Variants in MVB12B observed in about 807,000 individuals in gnomAD.
MVB12B encodes ESCRT-I complex subunit MVB12B.
Under a neutral mutation model 41.6 loss-of-function variants are expected in MVB12B, and 16 were observed. The ratio of observed to expected loss-of-function variants is 0.38; its 90% CI spans 0.26 to 0.58. The LOEUF is 0.58. Ranked by LOEUF, MVB12B falls within the 20% of genes least tolerant of loss-of-function variation. The pLI is 0.62. For synonymous variants in MVB12B, 133 were observed against 139.7 expected (o/e 0.95, Z 0.34); for missense variants, 274 against 380.2 (o/e 0.72, Z 2.32).
intron 1 of MVB12B, among the ~76,000 whole-genome samples, chr9:126,336,046 G>A (rs1229372964): frequency 1.3e-5 from 2 of 152,370 alleles, no homozygotes; most frequent in East Asian, 1.9e-4. Context: ...AGGCTGGAAC[G>A]TGGGCCCACT....
At chr9:126,433,150 G>A (rs1367268596) in intron 7 of MVB12B, among the ~76,000 whole-genome samples, 5 of 152,152 alleles carry the variant, frequency 3.3e-5, no homozygotes. Context: ...CTCCTTACCT[G>A]TAAAATGGGG....
chr9:126,503,068 C>G, intron 9 of MVB12B, 109 bp from the exon 10 acceptor site: 2 of 980,354 alleles, frequency 2.0e-6, no homozygotes. Context: ...GTCAAGATGC[C>G]CCACGAGGCG....
intron 7 of MVB12B, among the ~76,000 whole-genome samples, chr9:126,453,364 A>G (rs1184822991): frequency 6.6e-6 from 1 of 152,154 alleles, no homozygotes; most frequent in East Asian, 1.9e-4. Context: ...GAGCACCCGG[A>G]GCAGACCAGG....
intron 1 of MVB12B, among the ~76,000 whole-genome samples, chr9:126,336,754 G>A (rs76684968): frequency 7.3e-5 from 11 of 150,400 alleles, no homozygotes; most frequent in Middle Eastern, 3.4e-3. Flanking sequence ...GTGTGTGCAC[G>A]CACACACACA....
At chr9:126,374,990 C>G (rs1830440087) in intron 2 of MVB12B, among the ~76,000 whole-genome samples, 1 of 152,156 alleles carries the variant, frequency 6.6e-6, no homozygotes, top group South Asian at 2.1e-4. Flanking sequence ...CCACCTTCAC[C>G]TTTTTATTTC....
chr9:126,357,474 ATC>A (rs1829913810), intron 2 of MVB12B, among the ~76,000 whole-genome samples: 1 of 152,228 alleles, frequency 6.6e-6, no homozygotes, highest in African/African-American at 2.4e-5. Context: ...GCAGCCGAGC[ATC>A]TGAGTCTCAG....
At chr9:126,327,842 G>A (rs965675498) in intron 1 of MVB12B, among the ~76,000 whole-genome samples, 8 of 152,186 alleles carry the variant, frequency 5.3e-5, no homozygotes, top group Non-Finnish European at 1.2e-4. Context: ...GACCACAGGA[G>A]GGCAAAAGGC....
intron 7 of MVB12B, among the ~76,000 whole-genome samples, chr9:126,451,244 A>G (rs1477120598): frequency 2.0e-5 from 3 of 152,202 alleles, no homozygotes; most frequent in African/African-American, 7.2e-5. Context: ...TGGAGGCATG[A>G]AAAGCCTCAT....
In MVB12B at chr9:126,426,543, T is replaced by C. The variant is rs143768379; in HGVS notation, c.757+4595T>C. Among the ~76,000 whole-genome samples the C allele has an allele frequency of 5.1e-3, 778 of 152,314 alleles. 12 individuals carry two copies. Among genetic ancestry groups the C allele is most frequent in the African/African-American group, 0.018 (749 of 41,568 alleles). On this transcript the variant is annotated intron_variant, in intron 7 of 9. Transcript: ENST00000361171. ...AACATCTTATCTTTCCTGAAAAGTCTTCTATTTTAGTCCCAAATGGTGGCA... is the reference window on the plus strand; with the variant it reads ...AACATCTTATCTTTCCTGAAAAGTCCTCTATTTTAGTCCCAAATGGTGGCA...
intron 9 of MVB12B, among the ~76,000 whole-genome samples, chr9:126,499,119 C>T (rs993615643): frequency 6.6e-6 from 1 of 152,208 alleles, no homozygotes; most frequent in African/African-American, 2.4e-5. Flanking sequence ...TTTCCAGGTG[C>T]TGCTGGAAGC....
intron 8 of MVB12B, among the ~76,000 whole-genome samples, chr9:126,482,866 C>T (rs1833556240): frequency 6.6e-6 from 1 of 152,268 alleles, no homozygotes; most frequent in Non-Finnish European, 1.5e-5. Flanking sequence ...GCTCCCTGCT[C>T]TTCTCAGTGC....
At chr9:126,472,876 C>T (rs937979938) in intron 7 of MVB12B, among the ~76,000 whole-genome samples, 2 of 152,162 alleles carry the variant, frequency 1.3e-5, no homozygotes, top group Non-Finnish European at 2.9e-5. Flanking sequence ...AATTGCGCCA[C>T]AGAGCCAGCG....
intron 6 of MVB12B, among the ~76,000 whole-genome samples, chr9:126,404,382 G>A (rs981518196): frequency 2.0e-5 from 3 of 152,220 alleles, no homozygotes; most frequent in Admixed American, 6.5e-5. Flanking sequence ...AAGTGTCAGG[G>A]CTAGGATCTG....
intron 2 of MVB12B, among the ~76,000 whole-genome samples, chr9:126,355,087 T>G (rs1564286969): frequency 6.6e-6 from 1 of 152,220 alleles, no homozygotes; most frequent in Non-Finnish European, 1.5e-5. Context: ...GGTCTTTGCA[T>G]ATGCACAGAT....
intron 6 of MVB12B, chr9:126,408,426 T>C (rs758802200): frequency 7.0e-6 from 1 of 143,586 alleles, no homozygotes; most frequent in Non-Finnish European, 1.6e-5. Context: ...GCAGGCCTGA[T>C]GGATCCGGAT....
rs376836265 is a variant in MVB12B at position 126,437,996 on chromosome 9, CAG to C, written c.757+16052_757+16053del. 2.2e-4 allele frequency among the ~76,000 whole-genome samples: 34 copies of C among 152,286 alleles called. No individual in the cohort carries two copies. The East Asian group carries it at 6.2e-3, about 28-fold the overall frequency. ...TCTAATGTAGCATTTTGTGATTTGA[CAG>C]AGAATAATAGAACACATTGCTCATT... On this transcript the variant is annotated intron_variant, in intron 7 of 9. Transcript: ENST00000361171.
chr9:126,395,448 T>G lies in MVB12B; in HGVS notation c.540-127T>G, dbSNP rs1831083626. On this transcript the variant is annotated intron_variant, in intron 5 of 9. Transcript: ENST00000361171. This position sits in a 1 kb window ranked among gnomAD's most constrained non-coding sequence, Gnocchi z 4.9. ...AGGAGACGGTGGAACCCATTTCACG[T>G]GGAGGGCAAGAATTGATTCCCTGGT... 6 of 1,154,018 alleles carry G rather than the reference T, an allele frequency of 5.2e-6. No homozygotes were observed. Among genetic ancestry groups the G allele is most frequent in the Non-Finnish European group, 6.3e-6 (5 of 799,428 alleles). The allele number at this position is 1,154,018 out of a possible 1,614,324, so 71.5% of individuals were successfully genotyped here.
At chr9:126,496,217 CCACCCACCCATCCATA>C (rs914994691) in intron 9 of MVB12B, among the ~76,000 whole-genome samples, 9 of 136,996 alleles carry the variant, frequency 6.6e-5, no homozygotes, top group African/African-American at 2.2e-4. Flanking sequence ...ACCCGTCCAT[CCACCCACCCATCCATA>C]CACCCACTTA....
intron 7 of MVB12B, among the ~76,000 whole-genome samples, chr9:126,458,593 C>G (rs758076258): frequency 2.0e-5 from 3 of 152,180 alleles, no homozygotes; most frequent in Admixed American, 6.5e-5. Context: ...TTGGGCCTTG[C>G]GTTTCATGGT....
Sources: allele counts gnomAD v4.1 joint callset (sites outside exome capture counted in the v4.1 genomes callset), GRCh38; gene constraint gnomAD v4.1.1; non-coding constraint Gnocchi (gnomAD v3.1); transcripts MANE v1.5; gene names NCBI Gene and HGNC (gene_info 2026-07-23, HGNC 2026-07-21).